DCUN1D2: variants seen among roughly 807,000 people sequenced by gnomAD.
The protein encoded by DCUN1D2 is defective in cullin neddylation 1 domain containing 2.
DCUN1D2 carries 29 observed loss-of-function variants against 30.9 expected under a neutral mutation model. The ratio of observed to expected loss-of-function variants is 0.94; its 90% confidence interval spans 0.70 to 1.28. DCUN1D2 has a LOEUF of 1.28. Ranked by LOEUF, DCUN1D2 falls within the 50% of genes most tolerant of loss-of-function variation. The pLI, the probability that DCUN1D2 is intolerant of heterozygous loss-of-function variation, is 0.00. For synonymous variants in DCUN1D2, 121 were observed against 115.3 expected (o/e 1.05, Z -0.32); for missense variants, 325 against 316.9 (o/e 1.03, Z -0.19).
At chr13:113,474,780 C>T (rs1214277598) in intron 3 of DCUN1D2, among the ~76,000 whole-genome samples, 1 of 152,150 alleles carries the variant, frequency 6.6e-6, no homozygotes, top group Non-Finnish European at 1.5e-5. Context: ...GAATGGCAGT[C>T]GCCCTGCCAG....
chr13:113,469,324 A>C (rs2044464246), intron 4 of DCUN1D2, among the ~76,000 whole-genome samples: 2 of 152,188 alleles, frequency 1.3e-5, no homozygotes, highest in South Asian at 4.1e-4. Flanking sequence ...AAGATACTAC[A>C]AACAGTAGTC....
intron 2 of DCUN1D2, among the ~76,000 whole-genome samples, chr13:113,481,759 C>T (rs947069321): frequency 1.3e-5 from 2 of 151,618 alleles, no homozygotes; most frequent in Non-Finnish European, 2.9e-5. Context: ...TGGCTCACGC[C>T]TATAGTCCCA....
intron 6 of DCUN1D2, among the ~76,000 whole-genome samples, chr13:113,458,517 T>C (rs554758081): frequency 9.2e-5 from 14 of 152,322 alleles, no homozygotes; most frequent in Middle Eastern, 6.8e-3. Flanking sequence ...CATTGCTCCC[T>C]TCCCCACCCC....
chr13:113,487,360 C>A (rs1402503979), intron 1 of DCUN1D2, among the ~76,000 whole-genome samples: 2 of 152,178 alleles, frequency 1.3e-5, no homozygotes, highest in East Asian at 3.8e-4. Flanking sequence ...TTACTATATC[C>A]ATATAACGGA....
intron 4 of DCUN1D2, among the ~76,000 whole-genome samples, chr13:113,467,044 G>A (rs1448260427): frequency 2.0e-5 from 3 of 151,890 alleles, no homozygotes; most frequent in Admixed American, 2.0e-4. Context: ...TCCTGACCTC[G>A]TGATCCGCCC....
chr13:113,481,169 T>C (rs1388278382), intron 2 of DCUN1D2, among the ~76,000 whole-genome samples: 2 of 152,232 alleles, frequency 1.3e-5, no homozygotes, highest in Non-Finnish European at 2.9e-5. Flanking sequence ...AGTAAATGAA[T>C]GATTGATGTT....
chr13:113,481,137 G>A lies in DCUN1D2; in HGVS notation c.221-394C>T, dbSNP rs1193517001. ...TGATAAAGTATTTACAATATCTTGA[G>A]TTTTTATCACAACTCTGCCAAAGTA... On this transcript the variant is annotated intron_variant, in intron 2 of 6. Transcript: ENST00000478244. Among the ~76,000 whole-genome samples, 3 of 152,150 alleles carry A rather than the reference G, an allele frequency of 2.0e-5. No individual in the cohort carries two copies. In the East Asian group the frequency reaches 5.8e-4, roughly 29 times the overall value.
chr13:113,461,028 A>G (rs2044309906), intron 5 of DCUN1D2, 26 bp downstream of exon 5: 1 of 1,508,724 alleles, frequency 6.6e-7, no homozygotes, highest in Non-Finnish European at 9.2e-7. Context: ...CAGTGGGCAC[A>G]CAGCGAGATG....
chr13:113,487,696 C>G (rs2044832411), intron 1 of DCUN1D2, among the ~76,000 whole-genome samples: 1 of 152,106 alleles, frequency 6.6e-6, no homozygotes. Flanking sequence ...GGGGCTGGGG[C>G]AAGGGAGGAG....
intron 6 of DCUN1D2, among the ~76,000 whole-genome samples, chr13:113,458,497 G>T (rs1451102772): frequency 6.6e-6 from 1 of 152,226 alleles, no homozygotes; most frequent in African/African-American, 2.4e-5. Context: ...CTTCCCAAGT[G>T]GGACCACCCC....
chr13:113,478,087 C>T (rs2044648006), intron 3 of DCUN1D2, among the ~76,000 whole-genome samples: 1 of 152,174 alleles, frequency 6.6e-6, no homozygotes, highest in Non-Finnish European at 1.5e-5. Flanking sequence ...ATCTTTCTTC[C>T]TTTACTTCTC....
At position 113,456,803 on chromosome 13, in the gene DCUN1D2, C is replaced by T; in HGVS notation, c.*1226G>A. 6.4e-6 allele frequency: 1 copy of T among 157,270 alleles called. No individual in the cohort carries two copies. The highest frequency in any genetic ancestry group is 1.9e-4 in the East Asian group (1 of 5,398). 9.7% of individuals were successfully genotyped at this position (157,270 alleles called of 1,614,324 possible). On this transcript the variant is annotated 3_prime_UTR_variant, in exon 7 of 7. Coordinates refer to ENST00000478244, the MANE Select transcript of DCUN1D2 (RefSeq NM_001014283.2). ...TTTAGCTTCCAAATGTGCACAGGGG[C>T]ACAAAGGTCTGGATGCTGGGCACTA...
intron 4 of DCUN1D2, among the ~76,000 whole-genome samples, chr13:113,466,753 G>C (rs1026655716): frequency 6.6e-6 from 1 of 151,890 alleles, no homozygotes; most frequent in Non-Finnish European, 1.5e-5. Flanking sequence ...CCAGGTGGAC[G>C]GGATGGCATA....
intron 2 of DCUN1D2, among the ~76,000 whole-genome samples, chr13:113,483,556 C>A (rs902037772): frequency 1.3e-5 from 2 of 152,236 alleles, no homozygotes; most frequent in African/African-American, 4.8e-5. Context: ...CCCTGACAGG[C>A]TGTGCAGCGT....
chr13:113,471,496 C>T (rs111654504), intron 4 of DCUN1D2, among the ~76,000 whole-genome samples: 13 of 152,316 alleles, frequency 8.5e-5, no homozygotes, highest in African/African-American at 3.1e-4. Flanking sequence ...CAAGAACATT[C>T]TCCCTGAAAT....
At chr13:113,466,670 G>C (rs1035426209) in intron 4 of DCUN1D2, among the ~76,000 whole-genome samples, 1 of 152,282 alleles carries the variant, frequency 6.6e-6, no homozygotes, top group East Asian at 1.9e-4. Context: ...TAAATCTCTG[G>C]CCACATTTCC....
At chr13:113,462,874 T>C in intron 4 of DCUN1D2, 1 of 1,260,718 alleles carries the variant, frequency 7.9e-7, no homozygotes, top group Non-Finnish European at 1.0e-6. Flanking sequence ...GCTTTCACAT[T>C]GAGAAATGGA....
At chr13:113,485,617 A>C (rs1239153836) in intron 1 of DCUN1D2, among the ~76,000 whole-genome samples, 1 of 152,104 alleles carries the variant, frequency 6.6e-6, no homozygotes, top group Non-Finnish European at 1.5e-5. Context: ...ATTCCTCACC[A>C]AAATGCCAAC....
chr13:113,484,176 TTAC>T, intron 1 of DCUN1D2, 120 bp from the exon 2 acceptor site: 1 of 1,498,884 alleles, frequency 6.7e-7, no homozygotes, highest in South Asian at 1.3e-5. Flanking sequence ...TCTTCATCAG[TTAC>T]AAAGACTGCA....
Sources: gnomAD v4.1 joint callset for allele counts (sites outside exome capture counted in the v4.1 genomes callset) on GRCh38, gnomAD v4.1.1 for gene constraint, MANE v1.5 for transcripts, NCBI Gene and HGNC (gene_info 2026-07-23, HGNC 2026-07-21) for gene names.